The following FAM193A variants were observed in gnomAD, a reference collection of about 807,000 sequenced individuals.
FAM193A encodes family with sequence similarity 193 member A, also known as protein FAM193A.
A neutral mutation model predicts 126.5 loss-of-function variants in FAM193A; 22 were observed. The ratio of observed to expected loss-of-function variants is 0.17; its 90% CI spans 0.12 to 0.25. The LOEUF is 0.25. Ranked by LOEUF, FAM193A falls within the 10% of genes least tolerant of loss-of-function variation. The pLI is 1.00. For missense variants in FAM193A, 1,675 were observed against 1,672.8 expected, an observed-to-expected ratio of 1.00 and a Z score of -0.02; for synonymous variants, 761 against 646.8, an observed-to-expected ratio of 1.18 and a Z score of -2.68.
intron 19 of FAM193A, among the ~76,000 whole-genome samples, chr4:2,702,238 T>G (rs973080626): frequency 2.6e-5 from 4 of 152,224 alleles, no homozygotes; most frequent in African/African-American, 9.6e-5. Context: ...ACGAACACTC[T>G]TTATGTTGCT....
intron 10 of FAM193A, among the ~76,000 whole-genome samples, chr4:2,662,015 C>G (rs1353758756): frequency 1.3e-5 from 2 of 152,024 alleles, no homozygotes; most frequent in African/African-American, 4.8e-5. Context: ...AACCCCATCT[C>G]TACTAAAAAT....
At chr4:2,685,451 G>A (rs888466484) in intron 13 of FAM193A, among the ~76,000 whole-genome samples, 3 of 152,184 alleles carry the variant, frequency 2.0e-5, no homozygotes, top group Admixed American at 6.5e-5. Flanking sequence ...GTTGCAATAT[G>A]GGGATCACAT....
At chr4:2,667,906 A>G (rs1246073208) in intron 12 of FAM193A, among the ~76,000 whole-genome samples, 1 of 152,144 alleles carries the variant, frequency 6.6e-6, no homozygotes, top group East Asian at 1.9e-4. Flanking sequence ...TACAATATGT[A>G]TCTCTTTTTT....
At chr4:2,605,800 C>T (rs944571971) in intron 2 of FAM193A, among the ~76,000 whole-genome samples, 8 of 151,770 alleles carry the variant, frequency 5.3e-5, no homozygotes, top group African/African-American at 1.5e-4. Context: ...GGCGAAACCT[C>T]GTCTCTACTG....
intron 1 of FAM193A, among the ~76,000 whole-genome samples, chr4:2,576,608 A>G (rs772370303): frequency 1.2e-4 from 18 of 151,842 alleles, no homozygotes; most frequent in Admixed American, 8.5e-4. Context: ...GAGAACAATG[A>G]TGCTATTGTG....
intron 6 of FAM193A, among the ~76,000 whole-genome samples, chr4:2,643,855 G>T (rs142761999): frequency 7.2e-5 from 11 of 152,162 alleles, no homozygotes; most frequent in African/African-American, 1.4e-4. Flanking sequence ...TCTATCAGGG[G>T]GTGCATCCCT....
intron 20 of FAM193A, 94 bp from the exon 21 acceptor site, chr4:2,731,681 T>A: frequency 1.1e-6 from 1 of 939,660 alleles, no homozygotes; most frequent in Non-Finnish European, 1.7e-6. Flanking sequence ...GCAGTGAGTT[T>A]CTGGCAAGAA....
chr4:2,603,140 G>C (rs1449065054), intron 2 of FAM193A, among the ~76,000 whole-genome samples: 2 of 147,134 alleles, frequency 1.4e-5, no homozygotes, highest in Admixed American at 1.4e-4. Context: ...GGCTAATTTT[G>C]TGTGTATATA....
At chr4:2,590,476 CAAAAA>C (rs754091956) in intron 1 of FAM193A, among the ~76,000 whole-genome samples, 5 of 40,502 alleles carry the variant, frequency 1.2e-4, no homozygotes, top group Non-Finnish European at 2.0e-4. Flanking sequence ...AAAAAAAAAA[CAAAAA>C]AAAACAAAAA....
At chr4:2,719,023 C>CTG (rs1365932914) in intron 20 of FAM193A, among the ~76,000 whole-genome samples, 1 of 152,136 alleles carries the variant, frequency 6.6e-6, no homozygotes, top group Non-Finnish European at 1.5e-5. Context: ...TGAGCAAACT[C>CTG]TACCAGTGAA....
At chr4:2,645,521 T>C (rs1745047470) in intron 6 of FAM193A, among the ~76,000 whole-genome samples, 1 of 151,838 alleles carries the variant, frequency 6.6e-6, no homozygotes, top group Non-Finnish European at 1.5e-5. Flanking sequence ...TCTTTTTTTT[T>C]CTTTCTTTTT....
chr4:2,731,741 C>G (rs758109715), intron 20 of FAM193A, 34 bp from the exon 21 acceptor site: 50 of 1,558,710 alleles, frequency 3.2e-5, no homozygotes, highest in Non-Finnish European at 2.6e-5. Flanking sequence ...TGGGCTGTTT[C>G]CTTCAGTGAC....
chr4:2,622,242 G>GC (rs964944360), intron 2 of FAM193A, among the ~76,000 whole-genome samples: 1 of 124,268 alleles, frequency 8.0e-6, no homozygotes, highest in Admixed American at 1.0e-4. Flanking sequence ...GGGTGATAGA[G>GC]CGAGACCCTG....
At chr4:2,689,470 A>T in intron 13 of FAM193A, 36 bp from the exon 14 acceptor site, 1 of 1,465,946 alleles carries the variant, frequency 6.8e-7, no homozygotes, top group Non-Finnish European at 9.2e-7. Context: ...ACAGAATATT[A>T]ATTTTGATAT....
intron 2 of FAM193A, among the ~76,000 whole-genome samples, chr4:2,618,491 G>A (rs1375973273): frequency 6.6e-6 from 1 of 151,456 alleles, no homozygotes; most frequent in African/African-American, 2.4e-5. Flanking sequence ...GCGATGGTGC[G>A]ATCTCGGCTC....
intron 20 of FAM193A, among the ~76,000 whole-genome samples, chr4:2,731,179 A>G (rs1721333658): frequency 7.1e-6 from 1 of 140,800 alleles, no homozygotes; most frequent in South Asian, 2.4e-4. Flanking sequence ...CTGGATGACA[A>G]GAGCGAAACT....
At chr4:2,543,421 G>C (rs866606333) in intron 1 of FAM193A, among the ~76,000 whole-genome samples, 2 of 152,018 alleles carry the variant, frequency 1.3e-5, no homozygotes, top group South Asian at 2.1e-4. Flanking sequence ...GGCACCACAG[G>C]CTTGGTAGCT....
At chr4:2,653,579 G>A (rs1745881664) in intron 7 of FAM193A, among the ~76,000 whole-genome samples, 2 of 152,132 alleles carry the variant, frequency 1.3e-5, no homozygotes, top group South Asian at 4.1e-4. Flanking sequence ...GAGTAGTAGG[G>A]ACTACAGGCG....
chr4:2,722,426 G>A (rs1420465828), intron 20 of FAM193A, among the ~76,000 whole-genome samples: 1 of 152,212 alleles, frequency 6.6e-6, no homozygotes, highest in Non-Finnish European at 1.5e-5. Context: ...TCCTTGAATG[G>A]CTTGGAGCAG....
Sources: gnomAD v4.1 joint callset for allele counts (sites outside exome capture counted in the v4.1 genomes callset) on GRCh38, gnomAD v4.1.1 for gene constraint, MANE v1.5 for transcripts, NCBI Gene and HGNC (gene_info 2026-07-23, HGNC 2026-07-21) for gene names.